SEC23B: variants seen among roughly 807,000 people sequenced by gnomAD.
SEC23B encodes the protein SEC23 homolog B, COPII component, also known as protein transport protein Sec23B.
SEC23B carries 77 observed loss-of-function variants against 104.3 expected under a neutral mutation model. That is an observed-to-expected ratio of 0.74 (90% CI 0.61 to 0.89). The LOEUF is 0.89. Among genes scored for constraint, SEC23B ranks in the 40% least tolerant of loss-of-function variants. The probability of loss-of-function intolerance (pLI) is 0.00; values close to 1 mark genes in which losing one functional copy is unlikely to be tolerated. For missense variants in SEC23B, 885 were observed against 949.4 expected, an observed-to-expected ratio of 0.93 and a Z score of 0.89; for synonymous variants, 338 against 332.5, an observed-to-expected ratio of 1.02 and a Z score of -0.18.
chr20:18,560,810 AT>A lies in SEC23B; in HGVS notation c.*72del. 1 of 1,130,098 alleles carries A rather than the reference AT, an allele frequency of 8.8e-7. No individual in the cohort carries two copies. The allele number at this position is 1,130,098 out of a possible 1,614,324, so 70.0% of individuals were successfully genotyped here. On this transcript the variant is annotated 3_prime_UTR_variant, in exon 20 of 20. Transcript: ENST00000650089. ...AAAATGTCTAGAAAGGCTTGATAAC[AT>A]TCCTGTTACTTTTCTAGCAGATTTT...
chr20:18,542,503 A>G, intron 13 of SEC23B, 101 bp downstream of exon 13: 3 of 1,188,756 alleles, frequency 2.5e-6, no homozygotes, highest in Non-Finnish European at 3.7e-6. Flanking sequence ...ATTCCATTGA[A>G]TGGTTCTCAC....
intron 3 of SEC23B, 95 bp downstream of exon 3, chr20:18,512,377 T>C (rs2059989135): frequency 1.3e-6 from 1 of 755,122 alleles, no homozygotes; most frequent in Admixed American, 2.1e-5. Flanking sequence ...ACACTGGCAG[T>C]GAGCAGTTTC....
At chr20:18,518,499 A>T (rs1180861024) in intron 4 of SEC23B, among the ~76,000 whole-genome samples, 1 of 150,196 alleles carries the variant, frequency 6.7e-6, no homozygotes, top group Non-Finnish European at 1.5e-5. Flanking sequence ...AGGTTTTAAG[A>T]GGCAGGCTAA....
chr20:18,525,069 T>C, intron 6 of SEC23B, 49 bp downstream of exon 6: 1 of 1,482,106 alleles, frequency 6.7e-7, no homozygotes, highest in Non-Finnish European at 9.4e-7. Flanking sequence ...GACATGCAGA[T>C]GATCCATGGG....
At chr20:18,541,994 TCATCAATC>T in intron 12 of SEC23B, among the ~76,000 whole-genome samples, 1 of 152,362 alleles carries the variant, frequency 6.6e-6, no homozygotes, top group South Asian at 2.1e-4. Flanking sequence ...AGTTTGTGAT[TCATCAATC>T]CATCTTCGTT....
At chr20:18,546,728 G>A (rs1045191146) in intron 15 of SEC23B, among the ~76,000 whole-genome samples, 3 of 152,100 alleles carry the variant, frequency 2.0e-5, no homozygotes, top group Non-Finnish European at 4.4e-5. Flanking sequence ...AGGTGTCCAT[G>A]TGCCAGAGGT....
At chr20:18,541,055 C>A (rs555924040) in intron 12 of SEC23B, among the ~76,000 whole-genome samples, 3 of 152,362 alleles carry the variant, frequency 2.0e-5, no homozygotes, top group East Asian at 3.9e-4. Flanking sequence ...GAATAACTTG[C>A]AGCAGTTTCT....
intron 12 of SEC23B, among the ~76,000 whole-genome samples, chr20:18,536,698 A>G (rs1270240541): frequency 6.6e-6 from 1 of 152,128 alleles, no homozygotes; most frequent in Non-Finnish European, 1.5e-5. Context: ...TCTCAAAAAA[A>G]AAAAAAAATC....
intron 15 of SEC23B, 35 bp from the exon 16 acceptor site, chr20:18,548,574 A>G (rs745889836): frequency 9.3e-6 from 15 of 1,604,906 alleles, no homozygotes; most frequent in Non-Finnish European, 1.2e-5. Flanking sequence ...GGTTACAATT[A>G]TATGCATTTC....
intron 10 of SEC23B, 120 bp from the exon 11 acceptor site, chr20:18,532,544 A>C: frequency 1.3e-6 from 1 of 798,616 alleles, no homozygotes; most frequent in Non-Finnish European, 2.3e-6. Context: ...ATCCCTGTGG[A>C]GTTTTCTCTT....
intron 3 of SEC23B, among the ~76,000 whole-genome samples, chr20:18,513,373 G>A (rs1163404814): frequency 1.3e-5 from 2 of 151,976 alleles, no homozygotes; most frequent in Non-Finnish European, 2.9e-5. Context: ...TGTGCCTGTA[G>A]TGGAAATGTT....
chr20:18,517,913 A>G (rs1372303837), intron 4 of SEC23B, among the ~76,000 whole-genome samples: 1 of 152,242 alleles, frequency 6.6e-6, no homozygotes, highest in Non-Finnish European at 1.5e-5. Flanking sequence ...AGGACATCCA[A>G]TTAGAGAGTG....
chr20:18,542,244 C>A, intron 12 of SEC23B, 52 bp from the exon 13 acceptor site: 1 of 1,468,952 alleles, frequency 6.8e-7, no homozygotes, highest in South Asian at 1.1e-5. Context: ...GCTCTGTGAC[C>A]GTGTTTGAGT....
At chr20:18,538,406 C>G (rs995308923) in intron 12 of SEC23B, among the ~76,000 whole-genome samples, 1 of 151,954 alleles carries the variant, frequency 6.6e-6, no homozygotes, top group South Asian at 2.1e-4. Context: ...CCCGCCACCA[C>G]GCCCAGCTAA....
intron 19 of SEC23B, among the ~76,000 whole-genome samples, chr20:18,560,253 G>C (rs2060479623): frequency 6.6e-6 from 1 of 152,048 alleles, no homozygotes; most frequent in African/African-American, 2.4e-5. Flanking sequence ...GGAGATACCA[G>C]TTCACTCGTT....
chr20:18,525,822 C>T lies in SEC23B; in HGVS notation c.724C>T (p.Leu242Phe). 1 of 1,614,162 alleles carries T rather than the reference C, an allele frequency of 6.2e-7. No homozygotes were observed. Among genetic ancestry groups the T allele is most frequent in the Non-Finnish European group, 8.5e-7 (1 of 1,180,028 alleles). Reference sequence around the variant, plus strand: ...GCCTGTTCACAAGATTGATATGAACCTCACTGATCTTCTTGGGGAGCTACA... The same window carrying T: ...GCCTGTTCACAAGATTGATATGAACTTCACTGATCTTCTTGGGGAGCTACA... ...LQPVHKIDMN[L>F]TDLLGELQRD... The change falls in exon 7 of 20, where the codon CTC (leucine) becomes TTC (phenylalanine). Residue 242 changes from leucine to phenylalanine, a missense_variant. Transcript: ENST00000650089.
intron 1 of SEC23B, among the ~76,000 whole-genome samples, chr20:18,509,306 A>G (rs901690623): frequency 1.3e-5 from 2 of 152,216 alleles, no homozygotes; most frequent in East Asian, 1.9e-4. Flanking sequence ...CTAGCCATGC[A>G]ATATTATTGC....
At chr20:18,548,834 C>A in intron 16 of SEC23B, 64 bp downstream of exon 16, 2 of 1,521,588 alleles carry the variant, frequency 1.3e-6, no homozygotes, top group Non-Finnish European at 1.8e-6. Flanking sequence ...CTTTTTTAAG[C>A]AAATTTACTT....
rs561677863 is a variant in SEC23B at position 18,518,243 on chromosome 20, C to T, written c.366+2507C>T. ...AAATGACTGCAGTGGCCTTCTCAGA[C>T]CCTGTGGGAAAGGCCTCTACCCATC... On this transcript the variant is annotated intron_variant, in intron 4 of 19. Coordinates refer to ENST00000650089, the MANE Select transcript of SEC23B (RefSeq NM_006363.6). 2.0e-5 allele frequency among the ~76,000 whole-genome samples: 3 copies of T among 152,278 alleles called. No individual in the cohort carries two copies. The South Asian group carries it at 6.2e-4, about 32-fold the overall frequency.
Sources: gnomAD v4.1 joint callset for allele counts (sites outside exome capture counted in the v4.1 genomes callset) on GRCh38, gnomAD v4.1.1 for gene constraint, MANE v1.5 for transcripts, NCBI Gene and HGNC (gene_info 2026-07-23, HGNC 2026-07-21) for gene names.